VAC14: variants seen among roughly 807,000 people sequenced by gnomAD.
The protein encoded by VAC14 is protein VAC14 homolog.
In VAC14, 47 loss-of-function variants were observed where a neutral mutation model predicts 85.3. The ratio of observed to expected loss-of-function variants is 0.55; its 90% confidence interval spans 0.44 to 0.70. The LOEUF is 0.70. Among genes scored for constraint, VAC14 ranks in the 30% least tolerant of loss-of-function variants. The pLI is 0.00. For synonymous variants in VAC14, 447 were observed against 430.5 expected (o/e 1.04, Z -0.47); for missense variants, 861 against 1,004.3 (o/e 0.86, Z 1.93).
At chr16:70,718,344 G>A (rs1389564062) in intron 14 of VAC14, among the ~76,000 whole-genome samples, 2 of 152,118 alleles carry the variant, frequency 1.3e-5, no homozygotes, top group African/African-American at 4.8e-5. Context: ...AGGCCAAGGC[G>A]GGCGGATCAC....
intron 14 of VAC14, among the ~76,000 whole-genome samples, chr16:70,722,326 C>G (rs1287801565): frequency 1.3e-5 from 2 of 152,176 alleles, no homozygotes; most frequent in African/African-American, 4.8e-5. Context: ...GCCATGGGTC[C>G]CCCAGGCCAG....
At chr16:70,776,857 T>C (rs34113301) in intron 9 of VAC14, among the ~76,000 whole-genome samples, 28,166 of 151,178 alleles carry the variant, frequency 0.19, 3,340 homozygotes, top group Non-Finnish European at 0.27. Flanking sequence ...CTGTTGCCTA[T>C]GCTGCAGTGG....
intron 14 of VAC14, among the ~76,000 whole-genome samples, chr16:70,722,155 C>G (rs1369689241): frequency 1.3e-5 from 2 of 152,250 alleles, no homozygotes; most frequent in Non-Finnish European, 2.9e-5. Context: ...CATCTGAGCC[C>G]TGAACTACAG....
At chr16:70,693,192 T>C (rs931488663) in intron 17 of VAC14, among the ~76,000 whole-genome samples, 1 of 151,782 alleles carries the variant, frequency 6.6e-6, no homozygotes, top group South Asian at 2.1e-4. Flanking sequence ...CCCCCAGGAG[T>C]GTCCTAGCCG....
intron 10 of VAC14, among the ~76,000 whole-genome samples, chr16:70,768,019 G>A (rs764475401): frequency 3.3e-5 from 5 of 152,100 alleles, no homozygotes; most frequent in African/African-American, 1.2e-4. Flanking sequence ...TAAGCAGTGG[G>A]AACTACAGGA....
chr16:70,693,439 C>T (rs1471284653), intron 17 of VAC14, among the ~76,000 whole-genome samples: 2 of 152,206 alleles, frequency 1.3e-5, no homozygotes, highest in African/African-American at 2.4e-5. Context: ...GAGAGAAAGA[C>T]GGTAGATTAG....
intron 14 of VAC14, among the ~76,000 whole-genome samples, chr16:70,720,913 G>A (rs767373549): frequency 3.3e-5 from 5 of 151,852 alleles, no homozygotes; most frequent in Admixed American, 6.5e-5. Flanking sequence ...AGTGAGAGAC[G>A]GGGCTCAAAA....
chr16:70,753,384 G>C (rs1191230098), intron 12 of VAC14, among the ~76,000 whole-genome samples: 1 of 152,168 alleles, frequency 6.6e-6, no homozygotes, highest in African/African-American at 2.4e-5. Context: ...GGAGGTGCCT[G>C]GGAAATCCAG....
intron 12 of VAC14, among the ~76,000 whole-genome samples, chr16:70,750,574 A>G (rs2031300242): frequency 6.6e-6 from 1 of 151,804 alleles, no homozygotes; most frequent in Non-Finnish European, 1.5e-5. Flanking sequence ...GCAGCTCTGG[A>G]GGGGGTGCTC....
intron 14 of VAC14, among the ~76,000 whole-genome samples, chr16:70,722,848 G>C (rs1274813138): frequency 2.0e-5 from 3 of 152,134 alleles, no homozygotes; most frequent in African/African-American, 7.2e-5. Context: ...GAGAGGCCAA[G>C]ACAGGAGGAC....
At chr16:70,700,456 C>A (rs1036008886) in intron 14 of VAC14, among the ~76,000 whole-genome samples, 49 of 152,228 alleles carry the variant, frequency 3.2e-4, no homozygotes, top group African/African-American at 1.1e-3. Flanking sequence ...GCGGTGTGAT[C>A]TCAATGTCTC....
At chr16:70,783,398 C>G (rs2033904096) in intron 6 of VAC14, 47 bp downstream of exon 6, 1 of 1,587,300 alleles carries the variant, frequency 6.3e-7, no homozygotes. Flanking sequence ...ATGGGCACAG[C>G]TGGGGGTGGC....
intron 16 of VAC14, chr16:70,696,924 T>C: frequency 2.0e-6 from 1 of 499,188 alleles, no homozygotes; most frequent in Middle Eastern, 5.6e-4. Flanking sequence ...CAGCTCCCCC[T>C]CCAAGAGCCC....
At chr16:70,738,898 T>TG (rs2029978113) in intron 13 of VAC14, among the ~76,000 whole-genome samples, 1 of 152,134 alleles carries the variant, frequency 6.6e-6, no homozygotes, top group African/African-American at 2.4e-5. Flanking sequence ...CACTTCCAGC[T>TG]GGGGGTCTAA....
intron 17 of VAC14, among the ~76,000 whole-genome samples, chr16:70,694,414 G>A (rs537313462): frequency 6.6e-6 from 1 of 152,312 alleles, no homozygotes; most frequent in South Asian, 2.1e-4. Flanking sequence ...GCACTCTGCG[G>A]AGAGCAGGGT....
intron 9 of VAC14, among the ~76,000 whole-genome samples, chr16:70,780,018 AT>A (rs368861697): frequency 0.053 from 5,931 of 111,856 alleles, 354 homozygotes; most frequent in African/African-American, 0.17. Flanking sequence ...AATTTTTGTA[AT>A]TTTTTTTTTT....
At position 70,762,196 on chromosome 16, in the gene VAC14, C is replaced by T. The variant is rs1421946562; in HGVS notation, c.1371+344G>A. On this transcript the variant is annotated intron_variant, in intron 12 of 18. Coordinates refer to ENST00000261776, the MANE Select transcript of VAC14 (RefSeq NM_018052.5). This position sits in a 1 kb window ranked among gnomAD's most constrained non-coding sequence, Gnocchi z 4.1. Reference sequence around the variant, plus strand: ...GATCTCTGCTCACTGCAACCTCTGCCTCCTGGGTTCAAGCAATTCTCCCAC... The same window carrying T: ...GATCTCTGCTCACTGCAACCTCTGCTTCCTGGGTTCAAGCAATTCTCCCAC... 6.6e-6 allele frequency among the ~76,000 whole-genome samples: 1 copy of T among 152,128 alleles called. No homozygotes were observed. The highest frequency in any genetic ancestry group is 2.4e-5 in the African/African-American group (1 of 41,432).
chr16:70,738,785 G>C (rs974436195), intron 13 of VAC14, among the ~76,000 whole-genome samples: 2 of 152,190 alleles, frequency 1.3e-5, no homozygotes, highest in Admixed American at 6.5e-5. Flanking sequence ...CAGGGATTCC[G>C]GGGTAAGTAA....
intron 13 of VAC14, among the ~76,000 whole-genome samples, chr16:70,741,991 A>G (rs1158215415): frequency 3.3e-5 from 5 of 152,180 alleles, no homozygotes; most frequent in Non-Finnish European, 7.4e-5. Flanking sequence ...CCTCCGGCCC[A>G]GGCTGCCCTC....
Sources: allele counts gnomAD v4.1 joint callset (sites outside exome capture counted in the v4.1 genomes callset), GRCh38; gene constraint gnomAD v4.1.1; non-coding constraint Gnocchi (gnomAD v3.1); transcripts MANE v1.5; gene names NCBI Gene and HGNC (gene_info 2026-07-23, HGNC 2026-07-21).